OCA2: variants seen among roughly 807,000 people sequenced by gnomAD.
OCA2 encodes the protein OCA2 melanosomal transmembrane protein, also known as P protein.
OCA2 carries 77 observed loss-of-function variants against 100.2 expected under a neutral mutation model. That is an observed-to-expected ratio of 0.77 (90% CI 0.64 to 0.93). OCA2 has a LOEUF of 0.93. Ranked by LOEUF, OCA2 falls within the 40% of genes least tolerant of loss-of-function variation. The pLI, the probability that OCA2 is intolerant of heterozygous loss-of-function variation, is 0.00. For missense variants in OCA2, 1,062 were observed against 1,089.1 expected, an observed-to-expected ratio of 0.98 and a Z score of 0.35; for synonymous variants, 432 against 439.2, an observed-to-expected ratio of 0.98 and a Z score of 0.21.
chr15:27,993,234 C>T (rs2041613714), intron 9 of OCA2, among the ~76,000 whole-genome samples: 1 of 152,086 alleles, frequency 6.6e-6, no homozygotes, highest in Non-Finnish European at 1.5e-5. Flanking sequence ...TGCACCCGGC[C>T]CTGGATTAAG....
chr15:27,831,442 T>C (rs1000260516), intron 23 of OCA2, among the ~76,000 whole-genome samples: 1 of 152,180 alleles, frequency 6.6e-6, no homozygotes, highest in African/African-American at 2.4e-5. Context: ...AGGCACAGAC[T>C]ACCCCACCCT....
chr15:27,788,835 C>T (rs2032944269), intron 23 of OCA2, among the ~76,000 whole-genome samples: 1 of 152,048 alleles, frequency 6.6e-6, no homozygotes, highest in Admixed American at 6.5e-5. Flanking sequence ...TTCTGACCTA[C>T]TATTTTAATT....
the OCA2 span, among the ~76,000 whole-genome samples, chr15:27,739,939 G>A: frequency 5.4e-4 from 82 of 152,208 alleles, no homozygotes; most frequent in African/African-American, 1.7e-3. Flanking sequence ...GTGACTCAGG[G>A]GTGCAGAGGT....
At chr15:28,095,952 G>A (rs1323756502) in intron 1 of OCA2, among the ~76,000 whole-genome samples, 1 of 152,150 alleles carries the variant, frequency 6.6e-6, no homozygotes, top group Non-Finnish European at 1.5e-5. Context: ...TCCCTAATGC[G>A]CTGCTCAGCC....
intron 9 of OCA2, among the ~76,000 whole-genome samples, chr15:28,008,559 T>C (rs1187539583): frequency 6.6e-6 from 1 of 152,158 alleles, no homozygotes; most frequent in Non-Finnish European, 1.5e-5. Context: ...TCCTAGCCAA[T>C]GGAAACCAGA....
At chr15:27,986,462 C>A in intron 12 of OCA2, 125 bp downstream of exon 12, 1 of 746,682 alleles carries the variant, frequency 1.3e-6, no homozygotes, top group South Asian at 1.7e-5. Flanking sequence ...CAGAAGCAAC[C>A]TTTAAAAGAA....
At chr15:27,919,997 G>T (rs1266797649) in intron 19 of OCA2, among the ~76,000 whole-genome samples, 1 of 152,090 alleles carries the variant, frequency 6.6e-6, no homozygotes, top group African/African-American at 2.4e-5. Context: ...AAGCCTGAAG[G>T]TTGTATGTGA....
the OCA2 span, among the ~76,000 whole-genome samples, chr15:27,720,133 GACAA>G: frequency 6.6e-6 from 1 of 152,078 alleles, no homozygotes; most frequent in Non-Finnish European, 1.5e-5. Context: ...TTGATGGGGG[GACAA>G]ACATTCAAAC....
At chr15:28,056,245 G>A (rs575960107) in intron 2 of OCA2, among the ~76,000 whole-genome samples, 35 of 152,310 alleles carry the variant, frequency 2.3e-4, no homozygotes, top group African/African-American at 7.7e-4. Flanking sequence ...ATGCAGAGAA[G>A]TCTGACATGA....
chr15:27,999,491 A>G (rs929992634), intron 9 of OCA2, among the ~76,000 whole-genome samples: 26 of 152,244 alleles, frequency 1.7e-4, no homozygotes, highest in African/African-American at 6.3e-4. Context: ...CATATATAAC[A>G]AGCCCACAGC....
At chr15:27,847,243 T>C (rs28479058) in intron 22 of OCA2, among the ~76,000 whole-genome samples, 115,427 of 152,196 alleles carry the variant, frequency 0.76, 44,981 homozygotes, top group East Asian at 1. Context: ...TAGACACGTG[T>C]GCGACCACCT....
intron 21 of OCA2, among the ~76,000 whole-genome samples, chr15:27,868,514 C>T (rs920315402): frequency 6.6e-6 from 1 of 152,040 alleles, no homozygotes; most frequent in Non-Finnish European, 1.5e-5. Flanking sequence ...AATCTAAAAT[C>T]GTCACGCTCA....
intron 9 of OCA2, among the ~76,000 whole-genome samples, chr15:28,007,527 G>A (rs891643647): frequency 4.6e-5 from 7 of 152,106 alleles, no homozygotes; most frequent in South Asian, 4.1e-4. Flanking sequence ...TCAGGAGTTC[G>A]AGACCAGCCT....
At chr15:27,972,820 G>GTTATTTTCTTTTATT (rs1202397391) in intron 14 of OCA2, among the ~76,000 whole-genome samples, 5 of 74,380 alleles carry the variant, frequency 6.7e-5, no homozygotes, top group African/African-American at 1.6e-4. Context: ...TACTTTGATG[G>GTTATTTTCTTTTATT]TTATTTTATT....
intron 6 of OCA2, among the ~76,000 whole-genome samples, chr15:28,019,551 G>C (rs897215913): frequency 6.6e-6 from 1 of 152,132 alleles, no homozygotes; most frequent in African/African-American, 2.4e-5. Flanking sequence ...CTGAGGTTCC[G>C]AAAGAAAGGT....
chr15:28,027,175 C>G (rs1026002885), intron 4 of OCA2, among the ~76,000 whole-genome samples: 3 of 152,236 alleles, frequency 2.0e-5, no homozygotes, highest in African/African-American at 7.2e-5. Flanking sequence ...AGCGCTACTG[C>G]CCGCGCACAC....
chr15:28,083,682 ATTTT>A (rs762368275), intron 1 of OCA2, among the ~76,000 whole-genome samples: 47 of 152,244 alleles, frequency 3.1e-4, no homozygotes, highest in Admixed American at 7.9e-4. Flanking sequence ...TAAAATTTAA[ATTTT>A]TTTATTTAGA....
At chr15:28,029,411 A>G (rs1330541255) in intron 3 of OCA2, among the ~76,000 whole-genome samples, 1 of 152,076 alleles carries the variant, frequency 6.6e-6, no homozygotes, top group Non-Finnish European at 1.5e-5. Flanking sequence ...AATTGGAACA[A>G]AAAAAAACCT....
intron 19 of OCA2, among the ~76,000 whole-genome samples, chr15:27,916,619 TTAGAAA>T (rs1003181670): frequency 6.6e-6 from 1 of 152,184 alleles, no homozygotes; most frequent in Non-Finnish European, 1.5e-5. Flanking sequence ...TTATCCAAAT[TTAGAAA>T]TACTCAAAAT....
Sources: allele counts gnomAD v4.1 joint callset (sites outside exome capture counted in the v4.1 genomes callset), GRCh38; gene constraint gnomAD v4.1.1; transcripts MANE v1.5; gene names NCBI Gene and HGNC (gene_info 2026-07-23, HGNC 2026-07-21).